PDE1C: variants seen among roughly 807,000 people sequenced by gnomAD.
PDE1C encodes the protein dual specificity calcium/calmodulin-dependent 3',5'-cyclic nucleotide phosphodiesterase 1C.
A neutral mutation model predicts 93.1 loss-of-function variants in PDE1C; 62 were observed. That is an observed-to-expected ratio of 0.67 (90% confidence interval 0.54 to 0.82). The LOEUF is 0.82. Among genes scored for constraint, PDE1C ranks in the 40% least tolerant of loss-of-function variants. The pLI is 0.00. For missense variants in PDE1C, 742 were observed against 884.6 expected, an observed-to-expected ratio of 0.84 and a Z score of 2.04; for synonymous variants, 325 against 310.1, an observed-to-expected ratio of 1.05 and a Z score of -0.50.
At chr7:31,916,124 C>T (rs1381532239) in intron 2 of PDE1C, among the ~76,000 whole-genome samples, 2 of 151,984 alleles carry the variant, frequency 1.3e-5, no homozygotes, top group Non-Finnish European at 1.5e-5. Flanking sequence ...AGCAACCTTC[C>T]TATGTTTGCC....
intron 2 of PDE1C, among the ~76,000 whole-genome samples, chr7:31,945,023 T>C (rs943890302): frequency 3.9e-5 from 6 of 152,212 alleles, no homozygotes; most frequent in African/African-American, 1.2e-4. Flanking sequence ...CTCATTTTAC[T>C]TTATCATTTT....
rs181844556 is a variant in PDE1C, at chr7:32,095,271, G to A, written c.308+74514C>T. Among the ~76,000 whole-genome samples, 3 of 152,328 alleles carry A rather than the reference G, an allele frequency of 2.0e-5. No homozygotes were observed. The East Asian group carries it at 5.8e-4, about 29-fold the overall frequency. On this transcript the variant is annotated intron_variant, in intron 3 of 18. Transcript: ENST00000396193. ...AAAGCAACCAGACATCCCATCAGTG[G>A]CATTTCCGATGAGGGGCAGACCCTT...
chr7:32,034,643 T>A (rs1280255698), intron 2 of PDE1C, among the ~76,000 whole-genome samples: 1 of 152,132 alleles, frequency 6.6e-6, no homozygotes, highest in Non-Finnish European at 1.5e-5. Flanking sequence ...CAAACAGTAC[T>A]GATGTGAACT....
chr7:31,699,875 A>T, the PDE1C span, among the ~76,000 whole-genome samples: 1 of 152,060 alleles, frequency 6.6e-6, no homozygotes, highest in South Asian at 2.1e-4. Context: ...GGGGTGCCAC[A>T]GACCTCGCCC....
chr7:32,221,647 T>C (rs984924055), intron 1 of PDE1C, among the ~76,000 whole-genome samples: 12 of 152,200 alleles, frequency 7.9e-5, no homozygotes, highest in African/African-American at 2.9e-4. Flanking sequence ...GCCAAGTACA[T>C]GTTCTAAGAG....
chr7:32,136,380 C>T (rs1052066791), intron 3 of PDE1C, among the ~76,000 whole-genome samples: 5 of 151,922 alleles, frequency 3.3e-5, no homozygotes, highest in Admixed American at 1.3e-4. Context: ...CTCACTCTGT[C>T]GCCCAGGCTG....
chr7:31,873,483 A>C (rs901594627), intron 5 of PDE1C, 75 bp from the exon 6 acceptor site: 5 of 856,090 alleles, frequency 5.8e-6, no homozygotes, highest in Non-Finnish European at 9.7e-6. Context: ...CTCACTTTCA[A>C]GTCCGCCTGC....
intron 1 of PDE1C, among the ~76,000 whole-genome samples, chr7:32,339,010 G>GCACACA (rs57740255): frequency 0.024 from 3,342 of 138,554 alleles, 142 homozygotes; most frequent in African/African-American, 0.084. Flanking sequence ...CTCAAAAAAA[G>GCACACA]CACACACACA....
the PDE1C span, among the ~76,000 whole-genome samples, chr7:31,662,460 A>G: frequency 6.6e-6 from 1 of 152,002 alleles, no homozygotes; most frequent in South Asian, 2.1e-4. Flanking sequence ...TTCCCACCTG[A>G]GTGGGCACTG....
At chr7:31,666,974 G>T in the PDE1C span, among the ~76,000 whole-genome samples, 1 of 152,274 alleles carries the variant, frequency 6.6e-6, no homozygotes, top group Admixed American at 6.5e-5. Flanking sequence ...GTTGCAGTAG[G>T]TGCCATTCAT....
intron 11 of PDE1C, among the ~76,000 whole-genome samples, chr7:31,833,891 A>C (rs1790743708): frequency 6.6e-6 from 1 of 152,228 alleles, no homozygotes; most frequent in South Asian, 2.1e-4. Flanking sequence ...ACAAGGAGCC[A>C]AGACAATGGG....
chr7:32,088,618 C>T (rs953525014), intron 3 of PDE1C, among the ~76,000 whole-genome samples: 7 of 152,224 alleles, frequency 4.6e-5, no homozygotes, highest in Non-Finnish European at 8.8e-5. Context: ...CAATTGATGG[C>T]GCTCGCAAGG....
intron 1 of PDE1C, among the ~76,000 whole-genome samples, chr7:32,236,727 C>A (rs1379937284): frequency 1.3e-5 from 2 of 152,194 alleles, no homozygotes; most frequent in Non-Finnish European, 2.9e-5. Flanking sequence ...CAAAATAGTA[C>A]AGCCACTCTG....
At chr7:31,851,027 T>A (rs2128802007) in intron 7 of PDE1C, 1 of 318,600 alleles carries the variant, frequency 3.1e-6, no homozygotes, top group East Asian at 6.9e-5. Context: ...CCTCATTGCA[T>A]CCTCCCCCAA....
chr7:31,965,886 T>C (rs1338951704), intron 2 of PDE1C, among the ~76,000 whole-genome samples: 2 of 152,098 alleles, frequency 1.3e-5, no homozygotes, highest in Non-Finnish European at 2.9e-5. Flanking sequence ...AGAAATAAAA[T>C]ACTTTACAGA....
intron 3 of PDE1C, among the ~76,000 whole-genome samples, chr7:32,132,206 AGAGCTG>A (rs1799955996): frequency 6.6e-6 from 1 of 152,162 alleles, no homozygotes; most frequent in African/African-American, 2.4e-5. Flanking sequence ...AGAAAGCAGC[AGAGCTG>A]GAGCCCAGTG....
At chr7:32,179,708 T>C (rs903752069) in intron 2 of PDE1C, among the ~76,000 whole-genome samples, 16 of 152,176 alleles carry the variant, frequency 1.1e-4, no homozygotes, top group African/African-American at 3.6e-4. Context: ...AGATTCATTT[T>C]GTGGTGTGCC....
chr7:31,946,046 C>T (rs181954075), intron 2 of PDE1C, among the ~76,000 whole-genome samples: 1 of 152,276 alleles, frequency 6.6e-6, no homozygotes. Context: ...CATCTCTCTG[C>T]TTACATTGCC....
intron 2 of PDE1C, among the ~76,000 whole-genome samples, chr7:32,029,825 T>C (rs1790048183): frequency 6.6e-6 from 1 of 152,062 alleles, no homozygotes; most frequent in Admixed American, 6.6e-5. Context: ...GTTTAGCCAA[T>C]ACATTTGTGC....
Sources: allele counts gnomAD v4.1 joint callset (sites outside exome capture counted in the v4.1 genomes callset), GRCh38; gene constraint gnomAD v4.1.1; transcripts MANE v1.5; gene names NCBI Gene and HGNC (gene_info 2026-07-23, HGNC 2026-07-21).